The following CSF2RA variants were observed in gnomAD, a reference collection of about 807,000 sequenced individuals.
CSF2RA encodes the protein colony stimulating factor 2 receptor subunit alpha.
In CSF2RA, 42 loss-of-function variants were observed where a neutral mutation model predicts 51.6. The ratio of observed to expected loss-of-function variants is 0.81; its 90% confidence interval spans 0.64 to 1.05. The LOEUF is 1.05. Among genes scored for constraint, CSF2RA ranks in the 50% least tolerant of loss-of-function variants. The probability of loss-of-function intolerance (pLI) is 0.00; values close to 1 mark genes in which losing one functional copy is unlikely to be tolerated. For missense variants in CSF2RA, 530 were observed against 501.1 expected (o/e 1.06, Z -0.55); for synonymous variants, 222 against 193.0 (o/e 1.15, Z -1.24).
intron 12 of CSF2RA, chrX:1,306,012 G>C (rs1284365431): frequency 1.9e-5 from 10 of 520,850 alleles, no homozygotes; most frequent in Non-Finnish European, 3.5e-5. Context: ...AACCCAGGGG[G>C]CGGAGGTTGC....
At chrX:1,285,072 A>AT (rs1429608821) in intron 3 of CSF2RA, among the ~76,000 whole-genome samples, 1 of 151,432 alleles carries the variant, frequency 6.6e-6, no homozygotes, top group East Asian at 2.0e-4. Flanking sequence ...TTAAAAAAAA[A>AT]TTTTTTTTAA....
intron 10 of CSF2RA, 50 bp from the exon 11 acceptor site, chrX:1,303,873 A>C: frequency 6.9e-7 from 1 of 1,442,682 alleles, no homozygotes; most frequent in Non-Finnish European, 9.8e-7. Context: ...ATTTCCTTTC[A>C]CATGTCCGTC....
chrX:1,282,920 C>T, intron 3 of CSF2RA, 141 bp downstream of exon 3: 1 of 804,092 alleles, frequency 1.2e-6, no homozygotes, highest in Non-Finnish European at 2.3e-6. Flanking sequence ...AGCCAACCCA[C>T]CAGAAGCTCA....
chrX:1,315,311 G>C (rs1372081284), downstream of CSF2RA, among the ~76,000 whole-genome samples: 1 of 152,080 alleles, frequency 6.6e-6, no homozygotes, highest in Admixed American at 6.6e-5. Context: ...AAATATATAT[G>C]ATAGATGAAT....
At chrX:1,311,415 G>C (rs2084177492), downstream of CSF2RA, among the ~76,000 whole-genome samples, 1 of 150,136 alleles carries the variant, frequency 6.7e-6, no homozygotes, top group Admixed American at 6.7e-5. Context: ...ACAGTCTGTG[G>C]AATCATCAGC....
chrX:1,319,329 C>T, the CSF2RA span, among the ~76,000 whole-genome samples: 1 of 145,950 alleles, frequency 6.9e-6, no homozygotes, highest in Admixed American at 6.9e-5. Flanking sequence ...CATCTTGCTC[C>T]TTTGCCCAGG....
chrX:1,305,946 G>C (rs1475507160), intron 12 of CSF2RA: 1 of 668,992 alleles, frequency 1.5e-6, no homozygotes, highest in Non-Finnish European at 2.5e-6. Flanking sequence ...GCTGGGTGTG[G>C]TGGTGTACGC....
chrX:1,319,437 G>A, the CSF2RA span, among the ~76,000 whole-genome samples: 2 of 149,644 alleles, frequency 1.3e-5, no homozygotes, highest in Admixed American at 6.7e-5. Context: ...ACAGCTGAAC[G>A]TCACCACACC....
In CSF2RA at chrX:1,303,983, T is replaced by C; in HGVS notation, c.1007T>C (p.Leu336Pro). ...TATGTGCTCCTAATCGTGGGAACCC[T>C]TGTCTGTGGCATCGTCCTCGGCTTC... ...YIYVLLIVGT[L>P]VCGIVLGFLF... Residue 336 changes from leucine (L) to proline (P), a missense_variant, in exon 11 of 13, where the codon CTT (leucine) becomes CCT (proline). Physicochemically the swap from Leu to Pro is moderately conservative, Grantham distance 98. Coordinates refer to ENST00000381529, the MANE Select transcript of CSF2RA (RefSeq NM_172245.4). 6.2e-7 allele frequency: 1 copy of C among 1,613,124 alleles called. No homozygotes were observed. Among genetic ancestry groups the C allele is most frequent in the South Asian group, 1.1e-5 (1 of 91,014 alleles).
At chrX:1,272,394 G>A (rs1216022484) in intron 1 of CSF2RA, among the ~76,000 whole-genome samples, 3 of 150,322 alleles carry the variant, frequency 2.0e-5, no homozygotes, top group African/African-American at 7.3e-5. Flanking sequence ...AAAAAAAAAG[G>A]TTATAGGGTT....
At chrX:1,301,331 CAAAAAAAAA>C (rs1156943650) in intron 10 of CSF2RA, among the ~76,000 whole-genome samples, 16 of 62,690 alleles carry the variant, frequency 2.6e-4, no homozygotes, top group Non-Finnish European at 4.3e-4. Context: ...GACTCTGTCT[CAAAAAAAAA>C]AAAAAAAAAA....
downstream of CSF2RA, among the ~76,000 whole-genome samples, chrX:1,311,346 C>T (rs2084174737): frequency 6.6e-6 from 1 of 152,048 alleles, no homozygotes; most frequent in South Asian, 2.1e-4. Context: ...CTTCCTCTCC[C>T]ACCAGGAGTG....
chrX:1,288,988 G>A (rs2091078957), intron 6 of CSF2RA, 100 bp downstream of exon 6: 1 of 1,519,764 alleles, frequency 6.6e-7, no homozygotes, highest in Admixed American at 1.7e-5. Flanking sequence ...TTAAGACATG[G>A]TCTTGCTCTG....
intron 2 of CSF2RA, among the ~76,000 whole-genome samples, chrX:1,277,401 G>A (rs1446443754): frequency 1.3e-5 from 2 of 150,394 alleles, no homozygotes; most frequent in Non-Finnish European, 3.0e-5. Context: ...TTCGAGACCA[G>A]CCTGACCAAC....
downstream of CSF2RA, among the ~76,000 whole-genome samples, chrX:1,314,613 C>CAAAGGAAGAGCAA (rs1195056565): frequency 6.0e-5 from 1 of 16,572 alleles, no homozygotes; most frequent in Non-Finnish European, 1.3e-4. Context: ...CCCACTGCAC[C>CAAAGGAAGAGCAA]TGCCCAACCA....
chrX:1,296,428 C>G (rs2091963413), intron 9 of CSF2RA, among the ~76,000 whole-genome samples: 1 of 45,790 alleles, frequency 2.2e-5, no homozygotes, highest in South Asian at 9.8e-4. Flanking sequence ...CCCCTACTCA[C>G]GACCCCTACA....
At chrX:1,279,665 T>A (rs1360460823) in intron 2 of CSF2RA, among the ~76,000 whole-genome samples, 2 of 151,566 alleles carry the variant, frequency 1.3e-5, no homozygotes, top group Non-Finnish European at 2.9e-5. Flanking sequence ...GGGCTACAGA[T>A]GAGTTGGGGG....
chrX:1,319,551 G>A, the CSF2RA span, among the ~76,000 whole-genome samples: 86 of 149,834 alleles, frequency 5.7e-4, no homozygotes, highest in African/African-American at 2.1e-3. Context: ...GCCTCCCAAA[G>A]TGATGGGTCT....
chrX:1,295,452 T>G lies in CSF2RA; in HGVS notation c.806T>G (p.Leu269Arg), dbSNP rs1339503046. ...RKNTQPGTENLLINVSGDLEN... is the reference protein window; with the variant it reads ...RKNTQPGTENRLINVSGDLEN... ...AATACCCAGCCTGGCACGGAAAACC[T>G]ACTGGTAAGTGAAACCACAGACCCT... The change falls in exon 9 of 13, where the codon CTA becomes CGA. Residue 269 changes from leucine (L) to arginine (R), a missense_variant. Coordinates refer to ENST00000381529, the MANE Select transcript of CSF2RA (RefSeq NM_172245.4). 6.2e-7 allele frequency: 1 copy of G among 1,613,446 alleles called. No individual in the cohort carries two copies. The highest frequency in any genetic ancestry group is 1.7e-5 in the Admixed American group (1 of 59,946).
Sources: gnomAD v4.1 joint callset for allele counts (sites outside exome capture counted in the v4.1 genomes callset) on GRCh38, gnomAD v4.1.1 for gene constraint, MANE v1.5 for transcripts, NCBI Gene and HGNC (gene_info 2026-07-23, HGNC 2026-07-21) for gene names.